The following SAMD3 variants were observed in gnomAD, a reference collection of about 807,000 sequenced individuals.
SAMD3 encodes the protein sterile alpha motif domain-containing protein 3.
Under a neutral mutation model 58.5 loss-of-function variants are expected in SAMD3, and 63 were observed. The ratio of observed to expected loss-of-function variants is 1.08; its 90% CI spans 0.88 to 1.33. The LOEUF is 1.33. SAMD3 is among the 40% of genes most tolerant of loss of function. The probability of loss-of-function intolerance (pLI) is 0.00; values close to 1 mark genes in which losing one functional copy is unlikely to be tolerated. For missense variants in SAMD3, 604 were observed against 608.4 expected, an observed-to-expected ratio of 0.99 and a Z score of 0.08; for synonymous variants, 220 against 210.3, an observed-to-expected ratio of 1.05 and a Z score of -0.40.
rs1410356179 is a variant in SAMD3 at position 130,347,315 on chromosome 6, G to C, written c.-304+17805C>G. Among the ~76,000 whole-genome samples, 3 of 151,888 alleles carry C rather than the reference G, an allele frequency of 2.0e-5. No homozygotes were observed. The East Asian group carries it at 5.8e-4, about 29-fold the overall frequency. On this transcript the variant is annotated intron_variant, in intron 1 of 13. Coordinates refer to the SAMD3 transcript ENST00000368134. ...GGAAGTTCAAACCCATGGCAAAGAAGGTAAAAACCTTGAAAAAAAATTAGA... is the reference window on the plus strand; with the variant it reads ...GGAAGTTCAAACCCATGGCAAAGAACGTAAAAACCTTGAAAAAAAATTAGA...
At chr6:130,214,635 C>T (rs577096989) in intron 3 of SAMD3, 109 bp from the exon 4 acceptor site, 1 of 663,278 alleles carries the variant, frequency 1.5e-6, no homozygotes, top group African/African-American at 1.9e-5. Flanking sequence ...AAACTTGTCC[C>T]CTGACATTAT....
intron 8 of SAMD3, chr6:130,160,341 G>C (rs1790179288): frequency 6.6e-6 from 1 of 152,162 alleles, no homozygotes; most frequent in Non-Finnish European, 1.5e-5. Flanking sequence ...ATGAATTCCA[G>C]TGACATTACA....
At chr6:130,214,604 C>T (rs1795873345) in intron 3 of SAMD3, 78 bp from the exon 4 acceptor site, 3 of 1,013,268 alleles carry the variant, frequency 3.0e-6, no homozygotes, top group Non-Finnish European at 2.8e-6. Flanking sequence ...AAAATTACCT[C>T]TAGTGATAAA....
At position 130,207,169 on chromosome 6, in the gene SAMD3, A is replaced by AAAAAAAAG. The variant is rs761201989; in HGVS notation, c.383+2325_383+2326insCTTTTTTT. Among the ~76,000 whole-genome samples the AAAAAAAAG allele has an allele frequency of 1.8e-3, 259 of 140,970 alleles. 6 individuals are homozygous for AAAAAAAAG. Among genetic ancestry groups the AAAAAAAAG allele is most frequent in the South Asian group, 2.6e-3 (12 of 4,560 alleles). The allele number at this position is 140,970 out of a possible 152,430, so 92.5% of individuals were successfully genotyped here. Reference sequence around the variant, plus strand: ...TAGACCCCATCTCATCAAAAAAAAAAAAAGAAAAAAAAGAAAAAGAAAAAA... The same window carrying AAAAAAAAG: ...TAGACCCCATCTCATCAAAAAAAAAAAAAAAAAGAAAGAAAAAAAAGAAAAAGAAAAAA... On this transcript the variant is annotated intron_variant, in intron 5 of 11. Coordinates refer to ENST00000439090, the MANE Select transcript of SAMD3 (RefSeq NM_001017373.4).
At chr6:130,344,148 G>A (rs951257184) in intron 1 of SAMD3, among the ~76,000 whole-genome samples, 8 of 152,092 alleles carry the variant, frequency 5.3e-5, no homozygotes, top group Non-Finnish European at 1.2e-4. Context: ...AACGTTCACT[G>A]CAGAAAATTT....
Position 130,222,785 on chromosome 6 carries a change from T to C in SAMD3, c.-159A>G, listed in dbSNP as rs1294565593. On this transcript the variant is annotated 5_prime_UTR_variant, in exon 1 of 12. Transcript: ENST00000439090. ...CTCCTCCCCAGGCAAATCCGATCAG[T>C]GGATGTGGTTCTGGTTCCTTTGTTT... 2.0e-5 allele frequency: 3 copies of C among 152,138 alleles called. No individual in the cohort carries two copies. Among genetic ancestry groups the C allele is most frequent in the African/African-American group, 7.2e-5 (3 of 41,418 alleles). The allele number at this position is 152,138 out of a possible 1,614,324, so 9.4% of individuals were successfully genotyped here.
intron 1 of SAMD3, among the ~76,000 whole-genome samples, chr6:130,314,923 C>A (rs899920007): frequency 4.6e-5 from 7 of 152,250 alleles, no homozygotes; most frequent in Admixed American, 3.3e-4. Flanking sequence ...TTCTGAATAC[C>A]AGTACTTTAA....
At chr6:130,270,019 G>T (rs1774503859) in intron 2 of SAMD3, among the ~76,000 whole-genome samples, 1 of 151,716 alleles carries the variant, frequency 6.6e-6, no homozygotes, top group African/African-American at 2.4e-5. Context: ...ATTTCATTGT[G>T]GTCAGAATGC....
At chr6:130,244,040 C>CA (rs1276592865) in intron 2 of SAMD3, among the ~76,000 whole-genome samples, 1 of 151,950 alleles carries the variant, frequency 6.6e-6, no homozygotes, top group Non-Finnish European at 1.5e-5. Flanking sequence ...TTTGCAAATA[C>CA]AAAAAAGAAG....
At chr6:130,358,154 A>G (rs1013065293) in intron 1 of SAMD3, among the ~76,000 whole-genome samples, 1 of 152,192 alleles carries the variant, frequency 6.6e-6, no homozygotes, top group African/African-American at 2.4e-5. Flanking sequence ...AGTAGATAAC[A>G]TTTTCCCTAG....
At chr6:130,277,379 A>G (rs1325434766) in intron 2 of SAMD3, among the ~76,000 whole-genome samples, 1 of 152,260 alleles carries the variant, frequency 6.6e-6, no homozygotes, top group East Asian at 1.9e-4. Flanking sequence ...CCAGCCTGTA[A>G]GGCTAGAAGC....
chr6:130,180,693 G>A (rs962774149), intron 7 of SAMD3, among the ~76,000 whole-genome samples: 6 of 152,006 alleles, frequency 3.9e-5, no homozygotes, highest in Non-Finnish European at 8.8e-5. Context: ...GCTTACTTTA[G>A]TGATGTTTGG....
chr6:130,343,801 C>A (rs1777350570), intron 1 of SAMD3, among the ~76,000 whole-genome samples: 1 of 152,064 alleles, frequency 6.6e-6, no homozygotes, highest in South Asian at 2.1e-4. Context: ...CCTGTCTCTA[C>A]TAAAAATACA....
chr6:130,183,633 T>C (rs561558270), intron 7 of SAMD3: 1 of 325,476 alleles, frequency 3.1e-6, no homozygotes, highest in East Asian at 8.3e-5. Flanking sequence ...AGCAACTTTA[T>C]ATGCTTGTGC....
intron 8 of SAMD3, among the ~76,000 whole-genome samples, chr6:130,170,098 G>T (rs1057299283): frequency 2.6e-5 from 4 of 152,142 alleles, no homozygotes; most frequent in African/African-American, 4.8e-5. Context: ...TTGTTAATAG[G>T]TACACATGTA....
At chr6:130,344,661 T>C (rs370828653) in intron 1 of SAMD3, among the ~76,000 whole-genome samples, 223 of 152,010 alleles carry the variant, frequency 1.5e-3, no homozygotes, top group African/African-American at 4.9e-3. Context: ...AGTGCTGAGA[T>C]TACTGGCGTG....
chr6:130,332,909 AT>A (rs1394037086), intron 1 of SAMD3, among the ~76,000 whole-genome samples: 1 of 152,188 alleles, frequency 6.6e-6, no homozygotes, highest in African/African-American at 2.4e-5. Flanking sequence ...AACTGCTATA[AT>A]TTTTATATTG....
intron 1 of SAMD3, among the ~76,000 whole-genome samples, chr6:130,344,926 A>G (rs532740751): frequency 5.7e-4 from 78 of 137,234 alleles, no homozygotes; most frequent in Non-Finnish European, 8.4e-4. Context: ...CTGCCCCCCT[A>G]TGCCCACCCC....
intron 8 of SAMD3, among the ~76,000 whole-genome samples, chr6:130,173,598 G>T (rs1791440448): frequency 6.6e-6 from 1 of 152,236 alleles, no homozygotes; most frequent in Non-Finnish European, 1.5e-5. Flanking sequence ...GAGCTCTCCT[G>T]AATGAGGTGT....
Sources: gnomAD v4.1 joint callset for allele counts (sites outside exome capture counted in the v4.1 genomes callset) on GRCh38, gnomAD v4.1.1 for gene constraint, MANE v1.5 for transcripts, NCBI Gene and HGNC (gene_info 2026-07-23, HGNC 2026-07-21) for gene names.